Variants in ERICH6B observed in about 807,000 individuals in gnomAD.
ERICH6B encodes the protein glutamate-rich protein 6B.
Under a neutral mutation model 80.0 loss-of-function variants are expected in ERICH6B, and 69 were observed. That is an observed-to-expected ratio of 0.86 (90% CI 0.71 to 1.05). ERICH6B has a LOEUF of 1.05. Ranked by LOEUF, ERICH6B falls within the 50% of genes least tolerant of loss-of-function variation. ERICH6B has a pLI of 0.00. For missense variants in ERICH6B, 754 were observed against 796.1 expected, an observed-to-expected ratio of 0.95 and a Z score of 0.64; for synonymous variants, 283 against 291.9, an observed-to-expected ratio of 0.97 and a Z score of 0.31.
chr13:45,590,722 C>A (rs934386750), intron 3 of ERICH6B, 25 bp from the exon 4 acceptor site: 174 of 1,540,386 alleles, frequency 1.1e-4, no homozygotes, highest in Admixed American at 3.0e-4. Flanking sequence ...AATAAAAAAG[C>A]AATATTGGCA....
At chr13:45,588,956 G>A (rs1374915831) in intron 4 of ERICH6B, among the ~76,000 whole-genome samples, 4 of 152,178 alleles carry the variant, frequency 2.6e-5, no homozygotes, top group Admixed American at 2.0e-4. Context: ...GGCCGGGCAT[G>A]TGCCTGGAGG....
chr13:45,587,094 A>G lies in ERICH6B; in HGVS notation c.825T>C (p.Ser275=), dbSNP rs1388630688. The part of the protein sequence containing the change: ...LLTLYRRSQA[S]QTDWCYDRTA... ...TTCTGTCGTAGCACCAGTCTGTCTG[A>G]CTGGCCTGGCTCCTCCTGTACAATG... The change falls in exon 5 of 15, where the codon AGT becomes AGC. Residue 275 remains serine, a synonymous_variant. Transcript: ENST00000298738. 6.4e-7 allele frequency: 1 copy of G among 1,551,712 alleles called. No individual in the cohort carries two copies. Among genetic ancestry groups the G allele is most frequent in the Non-Finnish European group, 8.7e-7 (1 of 1,146,990 alleles).
chr13:45,549,975 C>T lies in ERICH6B; in HGVS notation c.1564G>A (p.Glu522Lys). The T allele has an allele frequency of 6.4e-7, 1 of 1,551,806 alleles. No individual in the cohort carries two copies. Among genetic ancestry groups the T allele is most frequent in the Non-Finnish European group, 8.7e-7 (1 of 1,147,034 alleles). Reference protein sequence around the residue: ...KMKKFTYIILEDSLEGRIRAL... With the variant: ...KMKKFTYIILKDSLEGRIRAL... ...CGGATCCTCCCTTCTAGACTGTCTT[C>T]CAGAATGATGTATGTGAACTTTTTC... The change falls in exon 13 of 15, where the codon GAA (glutamate) becomes AAA (lysine). Residue 522 changes from glutamate to lysine, a missense_variant. Coordinates refer to ENST00000298738, the MANE Select transcript of ERICH6B (RefSeq NM_182542.3).
chr13:45,561,823 C>G (rs936051917), intron 10 of ERICH6B, among the ~76,000 whole-genome samples: 1 of 152,122 alleles, frequency 6.6e-6, no homozygotes. Flanking sequence ...TGATGGTCAA[C>G]CTGTACAGAT....
At chr13:45,561,952 CA>C (rs1181743403) in intron 10 of ERICH6B, among the ~76,000 whole-genome samples, 1 of 151,632 alleles carries the variant, frequency 6.6e-6, no homozygotes, top group East Asian at 1.9e-4. Context: ...AGGGAGTCAT[CA>C]AAAAAAGGTA....
chr13:45,557,591 T>G (rs1166130801), intron 11 of ERICH6B, among the ~76,000 whole-genome samples: 1 of 152,250 alleles, frequency 6.6e-6, no homozygotes, highest in Non-Finnish European at 1.5e-5. Flanking sequence ...TTGATCTATC[T>G]TGAGTTTATT....
At chr13:45,579,810 A>T (rs1875579584) in intron 7 of ERICH6B, 123 bp downstream of exon 7, 2 of 889,760 alleles carry the variant, frequency 2.2e-6, no homozygotes, top group African/African-American at 3.3e-5. Context: ...GATGCCCCTC[A>T]GTCCCCTCTG....
At chr13:45,581,597 G>A (rs190009268) in intron 5 of ERICH6B, among the ~76,000 whole-genome samples, 14 of 152,260 alleles carry the variant, frequency 9.2e-5, no homozygotes, top group Non-Finnish European at 1.9e-4. Context: ...GTCTGGTCTC[G>A]AACTCCTGAC....
At chr13:45,586,862 A>T (rs1017019711) in intron 5 of ERICH6B, among the ~76,000 whole-genome samples, 7 of 152,138 alleles carry the variant, frequency 4.6e-5, no homozygotes, top group Non-Finnish European at 8.8e-5. Context: ...GGGGTCTGGG[A>T]TGGGATGAAA....
Position 45,561,531 on chromosome 13 carries a change from CAT to C in ERICH6B, c.1250-7_1250-6del. ...TCATCTCTGTTAACTTTTGAGCTGC[CAT>C]TCAATTCAACGATTGCATTGAATAA... is the stretch of plus-strand genomic sequence containing the variant. On this transcript the variant is annotated splice_region_variant and splice_polypyrimidine_tract_variant and intron_variant, in intron 10 of 14. Coordinates refer to ENST00000298738, the MANE Select transcript of ERICH6B (RefSeq NM_182542.3). 1.3e-6 allele frequency: 2 copies of C among 1,550,720 alleles called. No homozygotes were observed. Among genetic ancestry groups the C allele is most frequent in the Non-Finnish European group, 1.7e-6 (2 of 1,146,660 alleles).
In ERICH6B at chr13:45,604,693, AAAAC is replaced by A. The variant is rs545910833; in HGVS notation, c.-59+2867_-59+2870del. ...TTACTACAAACATTTTTGGCTGGAA[AAAAC>A]AAACAAACAAACAAACAAAACACCA... On this transcript the variant is annotated intron_variant, in intron 2 of 14. Coordinates refer to ENST00000298738, the MANE Select transcript of ERICH6B (RefSeq NM_182542.3). Among the ~76,000 whole-genome samples the A allele has an allele frequency of 2.0e-4, 28 of 140,680 alleles. No individual in the cohort carries two copies. The East Asian group carries it at 3.3e-3, about 17-fold the overall frequency. The allele number at this position is 140,680 out of a possible 152,430, so 92.3% of individuals were successfully genotyped here.
intron 2 of ERICH6B, among the ~76,000 whole-genome samples, chr13:45,603,328 G>A (rs185917116): frequency 6.6e-6 from 1 of 152,214 alleles, no homozygotes; most frequent in African/African-American, 2.4e-5. Context: ...GCCTCCCTTA[G>A]TTCAGTCAAA....
chr13:45,551,164 TC>T (rs1874208134), intron 11 of ERICH6B, among the ~76,000 whole-genome samples: 1 of 152,220 alleles, frequency 6.6e-6, no homozygotes, highest in Non-Finnish European at 1.5e-5. Context: ...ATCGCTGTTT[TC>T]ATTCTCTTTA....
intron 1 of ERICH6B, among the ~76,000 whole-genome samples, 158 bp downstream of exon 1, chr13:45,615,527 T>G (rs141359354): frequency 6.6e-6 from 1 of 152,208 alleles, no homozygotes; most frequent in Non-Finnish European, 1.5e-5. Flanking sequence ...AACAAAGAAG[T>G]CTATGTACTT....
intron 2 of ERICH6B, among the ~76,000 whole-genome samples, chr13:45,597,372 T>C (rs1215594774): frequency 6.6e-6 from 1 of 152,226 alleles, no homozygotes; most frequent in Non-Finnish European, 1.5e-5. Flanking sequence ...TTTTTATTTT[T>C]CCTTAAGTAT....
chr13:45,563,645 A>G (rs1874787862), intron 10 of ERICH6B, 82 bp downstream of exon 10: 2 of 1,263,488 alleles, frequency 1.6e-6, no homozygotes, highest in Non-Finnish European at 2.3e-6. Flanking sequence ...CACCTTCTTT[A>G]CAGTACATGC....
chr13:45,611,214 C>T (rs149771713), intron 1 of ERICH6B, among the ~76,000 whole-genome samples: 153 of 152,244 alleles, frequency 1.0e-3, no homozygotes, highest in African/African-American at 3.3e-3. Context: ...TTGTCCAGCC[C>T]GATCAAGCCA....
At chr13:45,568,270 T>C (rs1397890032) in intron 9 of ERICH6B, 45 bp downstream of exon 9, 1 of 1,485,258 alleles carries the variant, frequency 6.7e-7, no homozygotes, top group Admixed American at 2.5e-5. Flanking sequence ...ACCTCTGGCA[T>C]ACCCAAATCC....
rs140820805 is a variant in ERICH6B at position 45,584,300 on chromosome 13, C to T, written c.856+2763G>A. On this transcript the variant is annotated intron_variant, in intron 5 of 14. Transcript: ENST00000298738. ...GCGTCTTCTCATATGGATCACAAGG[C>T]ATTTCCTGTGCCTGTTGCAGCCTTT... is the stretch of plus-strand genomic sequence containing the variant. Among the ~76,000 whole-genome samples the T allele has an allele frequency of 5.9e-3, 899 of 152,272 alleles. 8 individuals carry two copies. Among genetic ancestry groups the T allele is most frequent in the Middle Eastern group, 0.017 (5 of 294 alleles).
Sources: gnomAD v4.1 joint callset for allele counts (sites outside exome capture counted in the v4.1 genomes callset) on GRCh38, gnomAD v4.1.1 for gene constraint, MANE v1.5 for transcripts, NCBI Gene and HGNC (gene_info 2026-07-23, HGNC 2026-07-21) for gene names.